PLXNA4: variants seen among roughly 807,000 people sequenced by gnomAD.
The protein encoded by PLXNA4 is plexin A4, also known as plexin-A4.
In PLXNA4, 44 loss-of-function variants were observed where a neutral mutation model predicts 191.8. The observed-to-expected ratio is 0.23, with a 90% confidence interval of 0.18 to 0.29. PLXNA4 has a LOEUF of 0.29. Ranked by LOEUF, PLXNA4 falls within the 10% of genes least tolerant of loss-of-function variation. The pLI is 1.00. For synonymous variants in PLXNA4, 1,082 were observed against 1,009.5 expected (o/e 1.07, Z -1.36); for missense variants, 1,800 against 2,488.8 (o/e 0.72, Z 5.89).
At position 132,129,325 on chromosome 7, in the gene PLXNA4, C is replaced by T. The variant is rs1462112413; in HGVS notation, c.*1154G>A. On this transcript the variant is annotated 3_prime_UTR_variant, in exon 32 of 32. Coordinates refer to ENST00000321063, the MANE Select transcript of PLXNA4 (RefSeq NM_020911.2). Reference sequence around the variant, plus strand: ...CATTCCCAAAGAGGTCTGGACAGCCCAGTGACAAAGTCATCTGCATAGCAA... The same window carrying T: ...CATTCCCAAAGAGGTCTGGACAGCCTAGTGACAAAGTCATCTGCATAGCAA... 6.6e-6 allele frequency: 1 copy of T among 152,196 alleles called. No homozygotes were observed. The highest frequency in any genetic ancestry group is 1.5e-5 in the Non-Finnish European group (1 of 68,046). 9.4% of individuals were successfully genotyped at this position (152,196 alleles called of 1,614,324 possible).
chr7:132,648,137 G>T (rs745633039), intron 1 of PLXNA4, among the ~76,000 whole-genome samples: 1 of 151,658 alleles, frequency 6.6e-6, no homozygotes, highest in African/African-American at 2.4e-5. Context: ...ATACACTCAC[G>T]TACACACACA....
upstream of PLXNA4, among the ~76,000 whole-genome samples, chr7:132,582,183 T>G (rs1249603941): frequency 1.3e-5 from 2 of 152,252 alleles, no homozygotes; most frequent in Non-Finnish European, 2.9e-5. Flanking sequence ...CTCTTGGCAC[T>G]GCCTAGTACA....
chr7:132,180,038 C>G (rs1796654521), intron 19 of PLXNA4, 117 bp from the exon 20 acceptor site: 1 of 1,441,296 alleles, frequency 6.9e-7, no homozygotes, highest in Non-Finnish European at 9.2e-7. Flanking sequence ...AGACCAATCA[C>G]TGGTGTCAAA....
chr7:132,562,315 TC>T, intron 1 of PLXNA4, among the ~76,000 whole-genome samples: 1 of 120,118 alleles, frequency 8.3e-6, no homozygotes, highest in Non-Finnish European at 1.7e-5. Flanking sequence ...CTCTTCCTCC[TC>T]TTCCTCCTCC....
At chr7:132,200,914 T>C (rs760673649) in intron 12 of PLXNA4, among the ~76,000 whole-genome samples, 27 of 152,224 alleles carry the variant, frequency 1.8e-4, no homozygotes, top group Non-Finnish European at 3.8e-4. Flanking sequence ...AACCTGATGA[T>C]AACCCTGGCC....
intron 3 of PLXNA4, among the ~76,000 whole-genome samples, chr7:132,397,831 T>C (rs1304116386): frequency 6.6e-6 from 1 of 152,240 alleles, no homozygotes; most frequent in Non-Finnish European, 1.5e-5. Context: ...AAGGACAGTA[T>C]GCCTATTTGA....
chr7:132,398,214 G>C (rs979677529), intron 3 of PLXNA4, among the ~76,000 whole-genome samples: 2 of 152,222 alleles, frequency 1.3e-5, no homozygotes, highest in African/African-American at 4.8e-5. Flanking sequence ...CATGGAATGA[G>C]ATGATCCATT....
intron 14 of PLXNA4, among the ~76,000 whole-genome samples, chr7:132,191,394 A>G (rs1250906885): frequency 6.6e-6 from 1 of 152,092 alleles, no homozygotes; most frequent in African/African-American, 2.4e-5. Flanking sequence ...AGGAGGATGC[A>G]CTCTTTATGG....
rs560647802 is a variant in PLXNA4, at chr7:132,139,106, G to A, written c.5438+1493C>T. 2.0e-5 allele frequency among the ~76,000 whole-genome samples: 3 copies of A among 152,334 alleles called. No homozygotes were observed. In the South Asian group the frequency reaches 6.2e-4, roughly 32 times the overall value. On this transcript the variant is annotated intron_variant, in intron 30 of 31. Coordinates refer to ENST00000321063, the MANE Select transcript of PLXNA4 (RefSeq NM_020911.2). Reference sequence around the variant, plus strand: ...TAGCAGGAGGTGAGAGCCTGTCTAGGTGACTCAGACATAATCAGACACTAG... The same window carrying A: ...TAGCAGGAGGTGAGAGCCTGTCTAGATGACTCAGACATAATCAGACACTAG...
chr7:132,235,671 C>T (rs7787958), intron 5 of PLXNA4, among the ~76,000 whole-genome samples: 107,288 of 151,890 alleles, frequency 0.71, 38,625 homozygotes, highest in African/African-American at 0.85. Flanking sequence ...AAAGGTAACG[C>T]CTGGGCCAAT....
chr7:132,495,634 G>A (rs1340955690), intron 2 of PLXNA4, among the ~76,000 whole-genome samples: 1 of 152,134 alleles, frequency 6.6e-6, no homozygotes, highest in African/African-American at 2.4e-5. Context: ...TCTCCCATCT[G>A]GGAGAAAACC....
At chr7:132,210,900 G>A (rs746624557) in intron 10 of PLXNA4, 43 bp downstream of exon 10, 1 of 1,588,666 alleles carries the variant, frequency 6.3e-7, no homozygotes, top group Non-Finnish European at 8.6e-7. Flanking sequence ...ATGTGGGTGG[G>A]ACTGGGGCCT....
intron 3 of PLXNA4, among the ~76,000 whole-genome samples, chr7:132,461,340 T>G (rs1002855845): frequency 6.6e-6 from 1 of 152,000 alleles, no homozygotes; most frequent in East Asian, 1.9e-4. Context: ...GGAAGTATAA[T>G]GCAAAAAAGA....
chr7:132,581,720 C>A (rs746246219), upstream of PLXNA4, among the ~76,000 whole-genome samples: 1 of 151,988 alleles, frequency 6.6e-6, no homozygotes, highest in Non-Finnish European at 1.5e-5. Flanking sequence ...GAGGACACCC[C>A]TCTCCTCCTA....
chr7:132,446,817 T>A (rs148064919), intron 3 of PLXNA4, among the ~76,000 whole-genome samples: 188 of 152,274 alleles, frequency 1.2e-3, no homozygotes, highest in African/African-American at 4.2e-3. Flanking sequence ...AAGCGGTAGA[T>A]CTGGGATTCC....
chr7:132,570,995 C>G (rs561341088), intron 1 of PLXNA4, among the ~76,000 whole-genome samples: 1 of 152,298 alleles, frequency 6.6e-6, no homozygotes, highest in South Asian at 2.1e-4. Context: ...CACGTGCACC[C>G]CTTCTAGCCA....
chr7:132,262,636 C>T (rs916888811), intron 4 of PLXNA4, among the ~76,000 whole-genome samples: 3 of 152,132 alleles, frequency 2.0e-5, no homozygotes, highest in African/African-American at 7.2e-5. Context: ...GGCAATGAGA[C>T]TTTTAAATTA....
In PLXNA4 at chr7:132,467,402, G is replaced by C. The variant is rs1429956668; in HGVS notation, c.1371+21890C>G. On this transcript the variant is annotated intron_variant, in intron 3 of 31. Transcript: ENST00000321063. ...GAGGTATTTGCTGTCCCCCTGCAGG[G>C]GACCCGTGAAAGACCTTGGCCTTGT... 2.6e-5 allele frequency among the ~76,000 whole-genome samples: 4 copies of C among 152,142 alleles called. No homozygotes were observed. The East Asian group carries it at 7.7e-4, about 29-fold the overall frequency.
intron 1 of PLXNA4, among the ~76,000 whole-genome samples, chr7:132,572,298 T>C (rs1235663936): frequency 1.3e-5 from 2 of 151,986 alleles, no homozygotes; most frequent in Non-Finnish European, 2.9e-5. Context: ...TCTGGGTTGT[T>C]ATGAGGCAAA....
Sources: gnomAD v4.1 joint callset for allele counts (sites outside exome capture counted in the v4.1 genomes callset) on GRCh38, gnomAD v4.1.1 for gene constraint, MANE v1.5 for transcripts, NCBI Gene and HGNC (gene_info 2026-07-23, HGNC 2026-07-21) for gene names.